PITPNM2: variants seen among roughly 807,000 people sequenced by gnomAD.
PITPNM2 encodes the protein membrane-associated phosphatidylinositol transfer protein 2.
In PITPNM2, 35 loss-of-function variants were observed where a neutral mutation model predicts 132.2. The observed-to-expected ratio is 0.26, with a 90% CI of 0.20 to 0.35. The LOEUF (loss-of-function observed/expected upper bound fraction) is 0.35. Ranked by LOEUF, PITPNM2 falls within the 10% of genes least tolerant of loss-of-function variation. The pLI is 1.00. For missense variants in PITPNM2, 1,332 were observed against 1,912.0 expected, an observed-to-expected ratio of 0.70 and a Z score of 5.66; for synonymous variants, 738 against 799.2, an observed-to-expected ratio of 0.92 and a Z score of 1.29.
intron 2 of PITPNM2, among the ~76,000 whole-genome samples, chr12:123,063,643 T>C (rs1227616142): frequency 6.6e-6 from 1 of 152,152 alleles, no homozygotes. Context: ...TGAGACCTAC[T>C]GGATGCTCTG....
rs2041362803 is a variant in PITPNM2 at position 123,064,863 on chromosome 12, G to A, written c.-95-30178C>T. 6.6e-6 allele frequency among the ~76,000 whole-genome samples: 1 copy of A among 152,250 alleles called. No individual in the cohort carries two copies. Among genetic ancestry groups the A allele is most frequent in the Non-Finnish European group, 1.5e-5 (1 of 68,050 alleles). Reference sequence around the variant, plus strand: ...ACATTCAAGCCTTGTCTTTGAGCAAGTCCTTTACCTGCTCCAGGCCTCAGT... The same window carrying A: ...ACATTCAAGCCTTGTCTTTGAGCAAATCCTTTACCTGCTCCAGGCCTCAGT... On this transcript the variant is annotated intron_variant, in intron 2 of 25. Transcript: ENST00000320201. This position sits in a 1 kb window ranked among gnomAD's most constrained non-coding sequence, Gnocchi z 4.0.
In PITPNM2 at chr12:122,990,486, C is replaced by A. The variant is rs1028741611; in HGVS notation, c.2569+59G>T. On this transcript the variant is annotated intron_variant, in intron 17 of 25. Coordinates refer to ENST00000320201, the MANE Select transcript of PITPNM2 (RefSeq NM_020845.3). Reference sequence around the variant, plus strand: ...GCTCCTAGACATGGCCAGCAGCTGTCCCCTGTGGGCACAATGGCCCTGGCT... The same window carrying A: ...GCTCCTAGACATGGCCAGCAGCTGTACCCTGTGGGCACAATGGCCCTGGCT... 12 of 1,593,252 alleles carry A rather than the reference C, an allele frequency of 7.5e-6. No homozygotes were observed. In the African/African-American group the frequency reaches 1.3e-4, roughly 18 times the overall value.
chr12:123,062,517 T>C (rs1055018465), intron 2 of PITPNM2, among the ~76,000 whole-genome samples: 5 of 151,978 alleles, frequency 3.3e-5, no homozygotes, highest in African/African-American at 1.2e-4. Context: ...CAGAGGCTAT[T>C]TACCAGCAAA....
rs767146296 is a variant in PITPNM2, at chr12:122,988,346, A to C, written c.2885T>G (p.Met962Arg). Residue 962 changes from methionine to arginine, a missense_variant, in exon 20 of 26, where the codon ATG (methionine) becomes AGG (arginine). By Grantham distance (91) the Met-to-Arg change is moderately conservative. This residue lies in a region of PITPNM2 where 251 missense variants were observed against 472.0 expected (regional missense o/e 0.53). Coordinates refer to ENST00000320201, the MANE Select transcript of PITPNM2 (RefSeq NM_020845.3). Reference sequence around the variant, plus strand: ...CAAGATGCTGGAGTTGTCATGCCTCATGACCTGGGAAGAGGGGACAGTGCA... The same window carrying C: ...CAAGATGCTGGAGTTGTCATGCCTCCTGACCTGGGAAGAGGGGACAGTGCA... The part of the protein sequence containing the change: ...DVVSFLLRQV[M>R]RHDNSSILEL... The C allele has an allele frequency of 1.9e-6, 3 of 1,613,156 alleles. No individual in the cohort carries two copies. Among genetic ancestry groups the C allele is most frequent in the Non-Finnish European group, 2.5e-6 (3 of 1,179,844 alleles).
At chr12:123,057,051 C>A (rs1271742138) in intron 2 of PITPNM2, among the ~76,000 whole-genome samples, 2 of 152,102 alleles carry the variant, frequency 1.3e-5, no homozygotes, top group Non-Finnish European at 2.9e-5. Flanking sequence ...TCCTTCCTAA[C>A]CGGGGAGCAT....
chr12:123,041,075 A>G (rs1365677537), intron 2 of PITPNM2, among the ~76,000 whole-genome samples: 1 of 152,208 alleles, frequency 6.6e-6, no homozygotes, highest in Admixed American at 6.5e-5. Context: ...AAAATAAAAC[A>G]ATCAGCTAGA....
At chr12:123,079,137 G>A (rs1172920547) in intron 2 of PITPNM2, among the ~76,000 whole-genome samples, 1 of 152,164 alleles carries the variant, frequency 6.6e-6, no homozygotes, top group Non-Finnish European at 1.5e-5. Flanking sequence ...TCTCCTTAGG[G>A]CTGGGAGCAC....
At chr12:123,075,134 C>CTG (rs369057427) in intron 2 of PITPNM2, among the ~76,000 whole-genome samples, 2 of 152,052 alleles carry the variant, frequency 1.3e-5, no homozygotes, top group Admixed American at 6.6e-5. Flanking sequence ...TGTGGGGAGG[C>CTG]TGTGTGTGTG....
At chr12:122,990,209 C>T (rs1042635521) in intron 17 of PITPNM2, among the ~76,000 whole-genome samples, 4 of 152,264 alleles carry the variant, frequency 2.6e-5, no homozygotes, top group Non-Finnish European at 4.4e-5. Flanking sequence ...GAAGGGAACC[C>T]GGGCTGTGCT....
intron 2 of PITPNM2, among the ~76,000 whole-genome samples, chr12:123,057,348 C>A (rs946654411): frequency 4.6e-5 from 7 of 150,626 alleles, no homozygotes; most frequent in Non-Finnish European, 8.8e-5. Flanking sequence ...CCATTGCACT[C>A]CAGCCTGGGC....
chr12:123,040,739 T>G (rs150178527), intron 2 of PITPNM2, among the ~76,000 whole-genome samples: 3 of 152,102 alleles, frequency 2.0e-5, no homozygotes, highest in Non-Finnish European at 4.4e-5. Context: ...AAAAAGATCA[T>G]GTAGAACATG....
chr12:123,038,400 C>T lies in PITPNM2; in HGVS notation c.-95-3715G>A, dbSNP rs118036145. On this transcript the variant is annotated intron_variant, in intron 2 of 25. Coordinates refer to ENST00000320201, the MANE Select transcript of PITPNM2 (RefSeq NM_020845.3). ...CTGCAAAGCCTCACAATGCCTTTAC[C>T]AGCTGTGTGACCTCCTGGAAAAGCC... Among the ~76,000 whole-genome samples the T allele has an allele frequency of 1.6e-4, 24 of 152,322 alleles. No individual in the cohort carries two copies. The East Asian group carries it at 4.2e-3, about 27-fold the overall frequency.
At position 122,986,243 on chromosome 12, in the gene PITPNM2, G is replaced by T. The variant is rs565193458; in HGVS notation, c.3834C>A (p.Phe1278Leu). ...ATRMALRKGS[F>L]GLPGQGDFLR... ...GAAAGTCGCCCTGGCCGGGCAGGCC[G>T]AAGCTGCCCTTGCGCAGCGCCATGC... The change falls in exon 26 of 26, where the codon TTC becomes TTA. Residue 1278 changes from phenylalanine (F) to leucine (L), a missense_variant. Physicochemically the swap from Phe to Leu is conservative, Grantham distance 22. Around this residue, in one of 6 missense-constraint regions of PITPNM2, gnomAD observed 163 missense variants for 177.2 expected, o/e 0.92. Coordinates refer to ENST00000320201, the MANE Select transcript of PITPNM2 (RefSeq NM_020845.3). 6.3e-7 allele frequency: 1 copy of T among 1,576,822 alleles called. No homozygotes were observed.
At chr12:123,118,776 C>T (rs1307668217) in intron 1 of PITPNM2, among the ~76,000 whole-genome samples, 1 of 152,206 alleles carries the variant, frequency 6.6e-6, no homozygotes, top group Non-Finnish European at 1.5e-5. Flanking sequence ...CAGAGTAATT[C>T]TTCATCCTCG....
intron 2 of PITPNM2, among the ~76,000 whole-genome samples, chr12:123,066,928 G>A (rs1225467800): frequency 1.3e-5 from 2 of 152,132 alleles, no homozygotes; most frequent in African/African-American, 2.4e-5. Flanking sequence ...CACACTCCCC[G>A]GCCAGTGCAG....
In PITPNM2 at chr12:123,117,308, G is replaced by A. The variant is rs1441057334; in HGVS notation, c.-199-6820C>T. Reference sequence around the variant, plus strand: ...TCCAGTGATCCTACGGAGTAAGCTGGCCATCAGATGATCAACTCAAGCTGT... The same window carrying A: ...TCCAGTGATCCTACGGAGTAAGCTGACCATCAGATGATCAACTCAAGCTGT... On this transcript the variant is annotated intron_variant, in intron 1 of 25. Coordinates refer to ENST00000320201, the MANE Select transcript of PITPNM2 (RefSeq NM_020845.3). This position sits in a 1 kb window ranked among gnomAD's most constrained non-coding sequence, Gnocchi z 4.7. Among the ~76,000 whole-genome samples, 4 of 152,130 alleles carry A rather than the reference G, an allele frequency of 2.6e-5. No individual in the cohort carries two copies. The highest frequency in any genetic ancestry group is 9.7e-5 in the African/African-American group (4 of 41,388).
intron 8 of PITPNM2, 59 bp from the exon 9 acceptor site, chr12:123,001,217 C>T: frequency 7.1e-7 from 1 of 1,403,554 alleles, no homozygotes; most frequent in South Asian, 1.2e-5. Flanking sequence ...GCCTGGCTTC[C>T]CGAGGTGGGG....
Position 122,992,543 on chromosome 12 carries a change from CG to C in PITPNM2, c.2359del (p.Arg787AlafsTer172). On this transcript the variant is annotated frameshift_variant, in exon 16 of 26. Transcript: ENST00000320201. LOFTEE classifies it high-confidence loss of function. This position sits in a 1 kb window ranked among gnomAD's most constrained non-coding sequence, Gnocchi z 6.5. ...ATCCCCCAGCGGGTAGCGTTGGTAG[CG>C]GGGGACGCTGAAAGGCGGCAGGGCG... ...FHALPPFSVPRYQRYPLGDGC... is the reference protein window; with the variant it reads ...FHALPPFSVPXYQRYPLGDGC... 1 of 1,611,136 alleles carries C rather than the reference CG, an allele frequency of 6.2e-7. No individual in the cohort carries two copies. Among genetic ancestry groups the C allele is most frequent in the Non-Finnish European group, 8.5e-7 (1 of 1,179,398 alleles).
intron 1 of PITPNM2, among the ~76,000 whole-genome samples, chr12:123,136,055 A>C (rs1326451923): frequency 6.6e-6 from 1 of 151,988 alleles, no homozygotes; most frequent in African/African-American, 2.4e-5. Flanking sequence ...TAATCCCAGC[A>C]CTTTTGGGAG....
Sources: allele counts gnomAD v4.1 joint callset (sites outside exome capture counted in the v4.1 genomes callset), GRCh38; gene constraint gnomAD v4.1.1; regional missense constraint gnomAD v4.1.1; non-coding constraint Gnocchi (gnomAD v3.1); transcripts MANE v1.5; gene names NCBI Gene and HGNC (gene_info 2026-07-23, HGNC 2026-07-21).